ATP2B1: variants seen among roughly 807,000 people sequenced by gnomAD.
ATP2B1 encodes ATPase plasma membrane Ca2+ transporting 1.
ATP2B1 carries 14 observed loss-of-function variants against 124.2 expected under a neutral mutation model. That is an observed-to-expected ratio of 0.11 (90% confidence interval 0.07 to 0.18). The LOEUF is 0.18. Ranked by LOEUF, ATP2B1 falls within the 10% of genes least tolerant of loss-of-function variation. The probability of loss-of-function intolerance (pLI) is 1.00; values close to 1 mark genes in which losing one functional copy is unlikely to be tolerated. For synonymous variants in ATP2B1, 449 were observed against 492.4 expected (o/e 0.91, Z 1.17); for missense variants, 763 against 1,466.1 (o/e 0.52, Z 7.83).
chr12:89,671,771 G>GGT (rs1555206057), intron 1 of ATP2B1, among the ~76,000 whole-genome samples: 2 of 139,964 alleles, frequency 1.4e-5, no homozygotes, highest in Admixed American at 1.4e-4. Flanking sequence ...TCCCAAGGCA[G>GGT]TTTTTTTTTT....
chr12:89,598,079 G>A (rs542104125), intron 20 of ATP2B1, among the ~76,000 whole-genome samples: 125 of 123,438 alleles, frequency 1.0e-3, no homozygotes, highest in Middle Eastern at 5.6e-3. Context: ...GCAAGGCAAA[G>A]TTCAGGTTAA....
At chr12:89,699,673 G>T (rs917830943) in intron 1 of ATP2B1, among the ~76,000 whole-genome samples, 5 of 152,154 alleles carry the variant, frequency 3.3e-5, no homozygotes, top group Admixed American at 2.6e-4. Flanking sequence ...TTTAAATCTG[G>T]TGAGTCCTTA....
chr12:89,615,384 T>TGA (rs1878784835), intron 12 of ATP2B1, among the ~76,000 whole-genome samples: 1 of 152,160 alleles, frequency 6.6e-6, no homozygotes, highest in Non-Finnish European at 1.5e-5. Context: ...TTAAGGCCTA[T>TGA]GAGAACAGGG....
chr12:89,646,691 G>A (rs986977701), intron 2 of ATP2B1, among the ~76,000 whole-genome samples: 6 of 152,216 alleles, frequency 3.9e-5, no homozygotes, highest in African/African-American at 1.4e-4. Context: ...CGGTGTGGAA[G>A]AAAGTCTGAT....
intron 20 of ATP2B1, chr12:89,598,833 G>A (rs1433279912): frequency 2.7e-6 from 4 of 1,495,406 alleles, no homozygotes; most frequent in Admixed American, 2.0e-5. Context: ...CATATAAAAA[G>A]AAAAAGGCAC....
At chr12:89,655,483 AAATT>A (rs1253765875) in intron 2 of ATP2B1, 192 bp downstream of exon 2, 2 of 591,466 alleles carry the variant, frequency 3.4e-6, no homozygotes, top group Non-Finnish European at 3.0e-6. Flanking sequence ...TAAAACATAT[AAATT>A]AATTTGCAAC....
chr12:89,635,730 T>G (rs1882590392), intron 3 of ATP2B1, among the ~76,000 whole-genome samples: 1 of 152,214 alleles, frequency 6.6e-6, no homozygotes, highest in African/African-American at 2.4e-5. Flanking sequence ...AAGTTAGTAT[T>G]ACGTGAAACC....
chr12:89,629,637 A>G (rs1028114006), intron 6 of ATP2B1, among the ~76,000 whole-genome samples: 2 of 152,250 alleles, frequency 1.3e-5, no homozygotes, highest in African/African-American at 4.8e-5. Flanking sequence ...ATAGCAAACC[A>G]GGATTTTAGC....
intron 12 of ATP2B1, among the ~76,000 whole-genome samples, chr12:89,615,946 TA>T (rs11334889): frequency 0.92 from 140,342 of 152,218 alleles, 65,126 homozygotes; most frequent in East Asian, 0.99. Context: ...GGTAGACATT[TA>T]AAAAAATTAC....
At chr12:89,701,314 T>C (rs560173445) in intron 1 of ATP2B1, among the ~76,000 whole-genome samples, 2 of 152,302 alleles carry the variant, frequency 1.3e-5, no homozygotes, top group South Asian at 4.1e-4. Flanking sequence ...TCTGAAGTCC[T>C]CCGGGTTGTA....
chr12:89,683,108 T>C (rs980782696), intron 1 of ATP2B1, among the ~76,000 whole-genome samples: 1 of 152,180 alleles, frequency 6.6e-6, no homozygotes, highest in Non-Finnish European at 1.5e-5. Flanking sequence ...AAATTAAAAC[T>C]ATGCTGAAAA....
chr12:89,684,995 G>C (rs575436363), intron 1 of ATP2B1, among the ~76,000 whole-genome samples: 40 of 152,218 alleles, frequency 2.6e-4, no homozygotes, highest in African/African-American at 8.9e-4. Flanking sequence ...CAAAAAGTTT[G>C]TTGAAATTAA....
intron 1 of ATP2B1, among the ~76,000 whole-genome samples, chr12:89,678,888 C>T (rs996839521): frequency 6.6e-6 from 1 of 152,076 alleles, no homozygotes; most frequent in Admixed American, 6.6e-5. Context: ...CCACAGTGTT[C>T]GTAAAGTTAG....
chr12:89,617,444 C>T (rs573709786), intron 11 of ATP2B1, among the ~76,000 whole-genome samples: 1 of 152,068 alleles, frequency 6.6e-6, no homozygotes, highest in Non-Finnish European at 1.5e-5. Context: ...AAAAGCCAAG[C>T]GTAGTCAACC....
chr12:89,596,761 G>C (rs976698408), intron 20 of ATP2B1, among the ~76,000 whole-genome samples: 20 of 152,158 alleles, frequency 1.3e-4, no homozygotes, highest in Non-Finnish European at 1.9e-4. Context: ...AAATTTTGAG[G>C]GAAGGGGGTT....
intron 1 of ATP2B1, among the ~76,000 whole-genome samples, chr12:89,678,319 G>T (rs567620917): frequency 1.3e-5 from 2 of 152,052 alleles, no homozygotes; most frequent in African/African-American, 2.4e-5. Context: ...TTTGGCCTCC[G>T]TTTCATGTTT....
chr12:89,617,555 TGCCAAAAGTTA>T (rs1417733955), intron 11 of ATP2B1, among the ~76,000 whole-genome samples: 1 of 152,194 alleles, frequency 6.6e-6, no homozygotes, highest in East Asian at 1.9e-4. Flanking sequence ...TGAGAGTTAA[TGCCAAAAGTTA>T]TTTTCAGTGA....
chr12:89,656,021 C>A lies in ATP2B1; in HGVS notation c.-135G>T. 1.2e-6 allele frequency: 1 copy of A among 840,562 alleles called. No homozygotes were observed. The highest frequency in any genetic ancestry group is 1.8e-6 in the Non-Finnish European group (1 of 564,550). The allele number at this position is 840,562 out of a possible 1,614,324, so 52.1% of individuals were successfully genotyped here. A position where few individuals can be genotyped will look rare whatever the true frequency, so the allele number is the denominator to read the frequency against. On this transcript the variant is annotated 5_prime_UTR_variant, in exon 2 of 21. Coordinates refer to ENST00000428670, the MANE Select transcript of ATP2B1 (RefSeq NM_001366521.1). ...ACACTCATTGTATGACTTTGTAAAG[C>A]AGCATCAGCAGCAACATTTCCCAGA... is the stretch of plus-strand genomic sequence containing the variant.
intron 1 of ATP2B1, among the ~76,000 whole-genome samples, chr12:89,691,944 A>G (rs1890601515): frequency 6.6e-6 from 1 of 152,196 alleles, no homozygotes; most frequent in African/African-American, 2.4e-5. Context: ...AGAATTTGCC[A>G]ACTCAGAAAA....
Sources: gnomAD v4.1 joint callset for allele counts (sites outside exome capture counted in the v4.1 genomes callset) on GRCh38, gnomAD v4.1.1 for gene constraint, MANE v1.5 for transcripts, NCBI Gene and HGNC (gene_info 2026-07-23, HGNC 2026-07-21) for gene names.